Variants in CENPE observed in about 807,000 individuals in gnomAD.
CENPE encodes the protein centromere protein E.
A neutral mutation model predicts 336.1 loss-of-function variants in CENPE; 145 were observed. The ratio of observed to expected loss-of-function variants is 0.43; its 90% CI spans 0.38 to 0.50. The LOEUF (loss-of-function observed/expected upper bound fraction) is 0.50. Among genes scored for constraint, CENPE ranks in the 20% least tolerant of loss-of-function variants. The probability of loss-of-function intolerance (pLI) is 0.00; values close to 1 mark genes in which losing one functional copy is unlikely to be tolerated. For synonymous variants in CENPE, 1,013 were observed against 984.8 expected (o/e 1.03, Z -0.54); for missense variants, 2,719 against 3,023.3 (o/e 0.90, Z 2.36).
chr4:103,181,558 T>C lies in CENPE; in HGVS notation c.964-102A>G, dbSNP rs566118411. Reference sequence around the variant, plus strand: ...TTATATTCAAGATTAAAAAAATCAATACTCTTTCTAGTTGGCTTAATACTT... The same window carrying C: ...TTATATTCAAGATTAAAAAAATCAACACTCTTTCTAGTTGGCTTAATACTT... On this transcript the variant is annotated intron_variant, in intron 11 of 48. Coordinates refer to ENST00000265148, the MANE Select transcript of CENPE (RefSeq NM_001813.3). 5.2e-6 allele frequency: 5 copies of C among 958,424 alleles called. No individual in the cohort carries two copies. In the Admixed American group the frequency reaches 1.1e-4, roughly 21 times the overall value. 59.4% of individuals were successfully genotyped at this position (958,424 alleles called of 1,614,324 possible). A position where few individuals can be genotyped will look rare whatever the true frequency, so the allele number is the denominator to read the frequency against.
At position 103,174,873 on chromosome 4, in the gene CENPE, G is replaced by A. The variant is rs1755724315; in HGVS notation, c.1510C>T (p.Arg504Cys). ...ENIESELNSL[R>C]ADYDNLVLDY... ...AATACCAGATTATCATAGTCAGCAC[G>A]AAGTGAGTTCAACTCACTTTCTATA... The change falls in exon 16 of 49, where the codon CGT becomes TGT. Residue 504 changes from arginine (R) to cysteine (C), a missense_variant. This residue lies in a region of CENPE where 2,437 missense variants were observed against 2,513.3 expected (regional missense o/e 0.97). Coordinates refer to ENST00000265148, the MANE Select transcript of CENPE (RefSeq NM_001813.3). The A allele has an allele frequency of 8.0e-6, 12 of 1,496,342 alleles. No homozygotes were observed. The highest frequency in any genetic ancestry group is 1.1e-5 in the Non-Finnish European group (12 of 1,125,912). The allele number at this position is 1,496,342 out of a possible 1,614,324, so 92.7% of individuals were successfully genotyped here.
chr4:103,160,580 G>T lies in CENPE; in HGVS notation c.2286+45C>A, dbSNP rs372990476. The stretch of plus-strand genomic sequence containing the variant: ...TATTTAAGGCACTATTATCGCAAAG[G>T]TTTTTATTTCAAAATAAGGGATAAG... On this transcript the variant is annotated intron_variant, in intron 21 of 48. Coordinates refer to ENST00000265148, the MANE Select transcript of CENPE (RefSeq NM_001813.3). The T allele has an allele frequency of 1.6e-5, 24 of 1,523,712 alleles. No homozygotes were observed. In the African/African-American group the frequency reaches 2.3e-4, roughly 14 times the overall value. 94.4% of individuals were successfully genotyped at this position (1,523,712 alleles called of 1,614,324 possible). A position where few individuals can be genotyped will look rare whatever the true frequency, so the allele number is the denominator to read the frequency against.
In CENPE at chr4:103,141,734, C is replaced by A. The variant is rs1056136901; in HGVS notation, c.5463+16G>T. On this transcript the variant is annotated intron_variant, in intron 35 of 48. Transcript: ENST00000265148. ...CAAATTAGATATCCAATCAAACAAT[C>A]CCCCCATAAAAATACCTTTTCTTGT... The A allele has an allele frequency of 3.4e-6, 5 of 1,486,436 alleles. No individual in the cohort carries two copies. The highest frequency in any genetic ancestry group is 4.6e-6 in the Non-Finnish European group (5 of 1,086,178). 92.1% of individuals were successfully genotyped at this position (1,486,436 alleles called of 1,614,324 possible). A position where few individuals can be genotyped will look rare whatever the true frequency, so the allele number is the denominator to read the frequency against.
intron 13 of CENPE, among the ~76,000 whole-genome samples, chr4:103,179,457 T>C (rs1355854762): frequency 1.3e-5 from 2 of 152,226 alleles, no homozygotes; most frequent in African/African-American, 2.4e-5. Context: ...AGGTCTCTTT[T>C]GAAACATTCT....
intron 21 of CENPE, among the ~76,000 whole-genome samples, chr4:103,160,326 G>C (rs1331595413): frequency 6.6e-6 from 1 of 151,810 alleles, no homozygotes; most frequent in Non-Finnish European, 1.5e-5. Context: ...TAAAGACTAA[G>C]GGTGGGCCGT....
chr4:103,147,747 G>A (rs1453293642), intron 28 of CENPE, 101 bp from the exon 29 acceptor site: 4 of 986,788 alleles, frequency 4.1e-6, no homozygotes, highest in Non-Finnish European at 5.9e-6. Context: ...AGGTGGGAGT[G>A]CAGTGGCGCA....
At chr4:103,168,478 C>T (rs1560654234) in intron 16 of CENPE, among the ~76,000 whole-genome samples, 1 of 152,168 alleles carries the variant, frequency 6.6e-6, no homozygotes, top group Non-Finnish European at 1.5e-5. Context: ...AAGCAATCCT[C>T]CCTGCATAAG....
intron 16 of CENPE, among the ~76,000 whole-genome samples, chr4:103,168,857 T>C (rs1305485656): frequency 1.3e-5 from 2 of 152,168 alleles, no homozygotes; most frequent in African/African-American, 4.8e-5. Context: ...CTTATAAAGA[T>C]GGTGAAGACT....
At chr4:103,158,271 T>A (rs779674931) in intron 24 of CENPE, 29 bp downstream of exon 24, 1 of 1,557,454 alleles carries the variant, frequency 6.4e-7, no homozygotes, top group East Asian at 2.3e-5. Context: ...TACAAGCATA[T>A]GAAAACTCTG....
At chr4:103,155,733 A>T (rs942444228) in intron 24 of CENPE, among the ~76,000 whole-genome samples, 3 of 147,268 alleles carry the variant, frequency 2.0e-5, no homozygotes, top group African/African-American at 7.3e-5. Flanking sequence ...AGATGGAAAT[A>T]AAAAAAAAGT....
intron 11 of CENPE, 22 bp downstream of exon 11, chr4:103,182,740 C>A: frequency 1.3e-6 from 2 of 1,572,144 alleles, no homozygotes; most frequent in Non-Finnish European, 1.7e-6. Flanking sequence ...CTATATTAAG[C>A]TGAGATAAAA....
At chr4:103,157,888 CAT>C (rs1266896269) in intron 24 of CENPE, among the ~76,000 whole-genome samples, 1 of 151,918 alleles carries the variant, frequency 6.6e-6, no homozygotes, top group African/African-American at 2.4e-5. Flanking sequence ...AAAAATGAGA[CAT>C]GTTATTACAA....
intron 43 of CENPE, among the ~76,000 whole-genome samples, chr4:103,122,043 T>C (rs1213268977): frequency 6.6e-6 from 1 of 152,208 alleles, no homozygotes; most frequent in Non-Finnish European, 1.5e-5. Context: ...ACTATTTTCT[T>C]TGGTCATTGA....
intron 29 of CENPE, 100 bp downstream of exon 29, chr4:103,147,256 G>C (rs559090714): frequency 9.4e-7 from 1 of 1,061,398 alleles, no homozygotes; most frequent in African/African-American, 1.6e-5. Context: ...TAAAAAAACT[G>C]GTAACATAAT....
chr4:103,112,278 C>T (rs981902088), intron 46 of CENPE, among the ~76,000 whole-genome samples: 1 of 146,652 alleles, frequency 6.8e-6, no homozygotes, highest in Non-Finnish European at 1.5e-5. Flanking sequence ...ATTCCAAATA[C>T]TAAGCAAAAC....
intron 8 of CENPE, 102 bp from the exon 9 acceptor site, chr4:103,185,963 C>A: frequency 1.4e-6 from 1 of 718,960 alleles, no homozygotes; most frequent in Non-Finnish European, 2.4e-6. Flanking sequence ...TCTGAATATT[C>A]GATCTGTATC....
At position 103,147,601 on chromosome 4, in the gene CENPE, C is replaced by G. The variant is rs745379960; in HGVS notation, c.3889G>C (p.Glu1297Gln). 4 of 1,613,482 alleles carry G rather than the reference C, an allele frequency of 2.5e-6. No homozygotes were observed. The South Asian group carries it at 3.3e-5, about 13-fold the overall frequency. Residue 1297 changes from glutamate to glutamine, a missense_variant, in exon 29 of 49, where the codon GAA becomes CAA. Physicochemically the swap from Glu to Gln is conservative, Grantham distance 29. This residue lies in a region of CENPE where 2,437 missense variants were observed against 2,513.3 expected (regional missense o/e 0.97). Transcript: ENST00000265148. ...EEQELLPNVK[E>Q]VSETQETMNE... ...ATTGTTTCCTGAGTCTCACTGACTT[C>G]TTTCACATTAGGCAGTAACTCTTGT...
chr4:103,159,415 A>T (rs1754243205), intron 21 of CENPE, 91 bp from the exon 22 acceptor site: 1 of 782,218 alleles, frequency 1.3e-6, no homozygotes, highest in Non-Finnish European at 1.9e-6. Context: ...GCAAAAAGAG[A>T]AGTTATTTAC....
rs187320856 is a variant in CENPE at position 103,155,772 on chromosome 4, G to A, written c.3034-2522C>T. ...ATTTTCCAAGGCAGTATTTTGCCCCGGAGTAAATGGGGGAAAATGCAGCTC... is the reference window on the plus strand; with the variant it reads ...ATTTTCCAAGGCAGTATTTTGCCCCAGAGTAAATGGGGGAAAATGCAGCTC... On this transcript the variant is annotated intron_variant, in intron 24 of 48. Coordinates refer to ENST00000265148, the MANE Select transcript of CENPE (RefSeq NM_001813.3). 3.6e-3 allele frequency among the ~76,000 whole-genome samples: 550 copies of A among 152,200 alleles called. 4 individuals are homozygous for A. The highest frequency in any genetic ancestry group is 0.014 in the Middle Eastern group (4 of 294).
Sources: allele counts gnomAD v4.1 joint callset (sites outside exome capture counted in the v4.1 genomes callset), GRCh38; gene constraint gnomAD v4.1.1; regional missense constraint gnomAD v4.1.1; transcripts MANE v1.5; gene names NCBI Gene and HGNC (gene_info 2026-07-23, HGNC 2026-07-21).